The following PTPRD variants were observed in gnomAD, a reference collection of about 807,000 sequenced individuals.
The protein encoded by PTPRD is protein tyrosine phosphatase receptor type D, also known as receptor-type tyrosine-protein phosphatase delta.
PTPRD carries 34 observed loss-of-function variants against 214.5 expected under a neutral mutation model. The observed-to-expected ratio is 0.16, with a 90% CI of 0.12 to 0.21. The LOEUF is 0.21. Ranked by LOEUF, PTPRD falls within the 10% of genes least tolerant of loss-of-function variation. The pLI, the probability that PTPRD is intolerant of heterozygous loss-of-function variation, is 1.00. For synonymous variants in PTPRD, 1,128 were observed against 845.7 expected, an observed-to-expected ratio of 1.33 and a Z score of -5.79; for missense variants, 2,545 against 2,398.7, an observed-to-expected ratio of 1.06 and a Z score of -1.27.
intron 12 of PTPRD, among the ~76,000 whole-genome samples, chr9:8,721,389 C>T (rs1460544365): frequency 6.7e-6 from 1 of 148,208 alleles, no homozygotes; most frequent in African/African-American, 2.5e-5. Flanking sequence ...GAGATCACAC[C>T]ACTGCACTCC....
At chr9:9,275,833 ATG>A (rs71500979) in intron 9 of PTPRD, among the ~76,000 whole-genome samples, 7,625 of 142,654 alleles carry the variant, frequency 0.053, 769 homozygotes, top group East Asian at 0.46. Flanking sequence ...GTGTGTGTGT[ATG>A]TGTGTGTGTG....
chr9:10,315,823 A>G (rs1327711707), intron 3 of PTPRD, among the ~76,000 whole-genome samples: 1 of 151,864 alleles, frequency 6.6e-6, no homozygotes, highest in Non-Finnish European at 1.5e-5. Context: ...ATCCCCAGAG[A>G]GTGGCTCATT....
At chr9:9,566,291 CTG>C (rs1334001469) in intron 8 of PTPRD, among the ~76,000 whole-genome samples, 1 of 151,942 alleles carries the variant, frequency 6.6e-6, no homozygotes, top group Non-Finnish European at 1.5e-5. Flanking sequence ...CTGTCAAAAA[CTG>C]TGATATATAT....
intron 14 of PTPRD, among the ~76,000 whole-genome samples, chr9:8,620,487 G>C (rs1426589713): frequency 6.6e-6 from 1 of 151,994 alleles, no homozygotes; most frequent in Admixed American, 6.6e-5. Context: ...CTAATGTCTT[G>C]ATGAAAAGGT....
chr9:8,771,205 T>A (rs1010007904), intron 11 of PTPRD, among the ~76,000 whole-genome samples: 5 of 149,920 alleles, frequency 3.3e-5, no homozygotes, highest in African/African-American at 1.0e-4. Flanking sequence ...TAGTAGTCTT[T>A]ATTCTTTATT....
chr9:9,127,932 A>G (rs961703277), intron 10 of PTPRD, among the ~76,000 whole-genome samples: 3 of 152,188 alleles, frequency 2.0e-5, no homozygotes, highest in African/African-American at 7.2e-5. Context: ...TCTGGTCTAC[A>G]AGGTACCCCA....
chr9:8,486,947 G>C (rs938983658), intron 27 of PTPRD, among the ~76,000 whole-genome samples: 1 of 152,002 alleles, frequency 6.6e-6, no homozygotes, highest in Non-Finnish European at 1.5e-5. Context: ...TCTGTCTGGA[G>C]TCGACTGCTT....
At chr9:9,058,415 A>G (rs2099700272) in intron 10 of PTPRD, among the ~76,000 whole-genome samples, 1 of 147,956 alleles carries the variant, frequency 6.8e-6, no homozygotes, top group African/African-American at 2.5e-5. Flanking sequence ...GTATAATAGC[A>G]ATATTGGTGA....
intron 2 of PTPRD, among the ~76,000 whole-genome samples, chr9:10,364,912 A>G (rs2097485108): frequency 6.6e-6 from 1 of 152,234 alleles, no homozygotes; most frequent in African/African-American, 2.4e-5. Context: ...TGGTAAGAGA[A>G]AGTAAACATA....
At chr9:9,979,857 A>G (rs2095479671) in intron 4 of PTPRD, among the ~76,000 whole-genome samples, 1 of 152,190 alleles carries the variant, frequency 6.6e-6, no homozygotes. Flanking sequence ...TGAAAATTAG[A>G]TACATATCAG....
intron 2 of PTPRD, among the ~76,000 whole-genome samples, chr9:10,353,459 C>A (rs1376529763): frequency 6.6e-6 from 1 of 151,910 alleles, no homozygotes; most frequent in Non-Finnish European, 1.5e-5. Context: ...ATAATAAGAA[C>A]TATTTTAATT....
chr9:8,338,884 C>G lies in PTPRD; in HGVS notation c.5379+38G>C, dbSNP rs201531001. The G allele has an allele frequency of 2.6e-5, 37 of 1,409,162 alleles. No homozygotes were observed. The East Asian group carries it at 9.6e-4, about 37-fold the overall frequency. 87.3% of individuals were successfully genotyped at this position (1,409,162 alleles called of 1,614,324 possible). On this transcript the variant is annotated intron_variant, in intron 43 of 45. Coordinates refer to ENST00000381196, the MANE Select transcript of PTPRD (RefSeq NM_002839.4). ...GAGAGAGGTATCTTAGACTACTTTTCAGCTAATGGTTAAGAGTTGAAGACT... is the reference window on the plus strand; with the variant it reads ...GAGAGAGGTATCTTAGACTACTTTTGAGCTAATGGTTAAGAGTTGAAGACT...
intron 12 of PTPRD, among the ~76,000 whole-genome samples, chr9:8,691,306 C>A (rs907028508): frequency 6.6e-6 from 1 of 151,908 alleles, no homozygotes; most frequent in African/African-American, 2.4e-5. Context: ...TCCTCTCCAT[C>A]CTACTGTGCT....
intron 4 of PTPRD, among the ~76,000 whole-genome samples, chr9:9,998,783 G>A (rs1261377492): frequency 6.6e-6 from 1 of 152,142 alleles, no homozygotes; most frequent in Non-Finnish European, 1.5e-5. Flanking sequence ...AAGACCACTT[G>A]AGATAAGCGA....
rs78384768 is a variant in PTPRD, at chr9:9,798,751, C to T, written c.-367-31900G>A. On this transcript the variant is annotated intron_variant, in intron 5 of 45. Transcript: ENST00000381196. ...AAGGAAATAAAGTAGTTGCTGAGAG[C>T]GCAGGTAAAATGACTGATTTATGAA... is the stretch of plus-strand genomic sequence containing the variant. 2.2e-3 allele frequency among the ~76,000 whole-genome samples: 339 copies of T among 152,116 alleles called. 2 individuals are homozygous for T. Among genetic ancestry groups the T allele is most frequent in the African/African-American group, 7.4e-3 (308 of 41,480 alleles).
chr9:9,984,147 A>G (rs971276075), intron 4 of PTPRD, among the ~76,000 whole-genome samples: 1 of 152,200 alleles, frequency 6.6e-6, no homozygotes, highest in Non-Finnish European at 1.5e-5. Context: ...TAAAAATAAT[A>G]AAATAGCATT....
intron 2 of PTPRD, among the ~76,000 whole-genome samples, chr9:10,574,399 T>C (rs1168493293): frequency 5.3e-5 from 8 of 152,250 alleles, no homozygotes; most frequent in East Asian, 1.9e-4. Context: ...GCATAGTATA[T>C]TGAAATAATT....
chr9:9,229,164 T>A (rs1269860723), intron 9 of PTPRD, among the ~76,000 whole-genome samples: 2 of 152,168 alleles, frequency 1.3e-5, no homozygotes. Context: ...TTGGTCTAAA[T>A]ATAGACATTT....
intron 11 of PTPRD, among the ~76,000 whole-genome samples, chr9:8,991,777 T>G (rs550829268): frequency 5.0e-4 from 76 of 152,252 alleles, no homozygotes; most frequent in African/African-American, 1.8e-3. Flanking sequence ...AATTATACAT[T>G]TGCTAGTTCA....
Sources: gnomAD v4.1 joint callset for allele counts (sites outside exome capture counted in the v4.1 genomes callset) on GRCh38, gnomAD v4.1.1 for gene constraint, MANE v1.5 for transcripts, NCBI Gene and HGNC (gene_info 2026-07-23, HGNC 2026-07-21) for gene names.